The following NCKAP5 variants were observed in gnomAD, a reference collection of about 807,000 sequenced individuals.
NCKAP5 encodes the protein nck-associated protein 5.
In NCKAP5, 92 loss-of-function variants were observed where a neutral mutation model predicts 167.0. The ratio of observed to expected loss-of-function variants is 0.55; its 90% CI spans 0.47 to 0.66. The LOEUF (loss-of-function observed/expected upper bound fraction) is 0.66. Ranked by LOEUF, NCKAP5 falls within the 30% of genes least tolerant of loss-of-function variation. The pLI is 0.00. For synonymous variants in NCKAP5, 891 were observed against 877.4 expected, an observed-to-expected ratio of 1.02 and a Z score of -0.27; for missense variants, 2,378 against 2,315.0, an observed-to-expected ratio of 1.03 and a Z score of -0.56.
At chr2:133,629,821 C>A in the NCKAP5 span, among the ~76,000 whole-genome samples, 6 of 152,124 alleles carry the variant, frequency 3.9e-5, no homozygotes, top group African/African-American at 1.4e-4. Flanking sequence ...AGATCATGTC[C>A]TTTGCAGGGA....
At chr2:133,657,917 A>G in the NCKAP5 span, among the ~76,000 whole-genome samples, 697 of 152,328 alleles carry the variant, frequency 4.6e-3, 5 homozygotes, top group East Asian at 0.051. Flanking sequence ...GATGGTAAAC[A>G]AGGGAAAGAA....
intron 4 of NCKAP5, among the ~76,000 whole-genome samples, chr2:133,232,674 CA>C (rs2087207407): frequency 6.6e-6 from 1 of 152,048 alleles, no homozygotes; most frequent in Non-Finnish European, 1.5e-5. Context: ...ATAGTGCCCA[CA>C]AAAGATGGAT....
At chr2:132,895,235 G>A (rs1307368308) in intron 8 of NCKAP5, among the ~76,000 whole-genome samples, 3 of 151,870 alleles carry the variant, frequency 2.0e-5, no homozygotes, top group South Asian at 2.1e-4. Flanking sequence ...GGAGGCTGAG[G>A]CAGGAGAATA....
At chr2:132,790,249 A>T (rs753222914) in intron 12 of NCKAP5, 44 bp from the exon 13 acceptor site, 1 of 1,538,840 alleles carries the variant, frequency 6.5e-7, no homozygotes, top group African/African-American at 1.4e-5. Flanking sequence ...TGCTCAGAGG[A>T]GAGTAAATAT....
intron 8 of NCKAP5, among the ~76,000 whole-genome samples, chr2:132,923,823 G>T (rs1695632387): frequency 6.6e-6 from 1 of 152,150 alleles, no homozygotes; most frequent in Non-Finnish European, 1.5e-5. Flanking sequence ...AGAAAGGATT[G>T]TCGAGAAGTG....
chr2:132,892,946 G>A (rs1002330260), intron 8 of NCKAP5, among the ~76,000 whole-genome samples: 10 of 143,344 alleles, frequency 7.0e-5, no homozygotes, highest in African/African-American at 2.1e-4. Context: ...GAAAAAGACT[G>A]AGAATTTCTC....
At chr2:133,068,533 C>A (rs2080277026) in intron 6 of NCKAP5, among the ~76,000 whole-genome samples, 2 of 152,200 alleles carry the variant, frequency 1.3e-5, no homozygotes, top group Admixed American at 6.5e-5. Flanking sequence ...GAGCAAGGGG[C>A]TCCTTCTAGA....
chr2:133,260,992 A>G (rs78873758), intron 4 of NCKAP5, among the ~76,000 whole-genome samples: 7,568 of 152,304 alleles, frequency 0.05, 272 homozygotes, highest in South Asian at 0.099. Context: ...AATAAACCAG[A>G]AAAATTACTG....
chr2:133,193,179 G>A (rs1053628301), intron 5 of NCKAP5, among the ~76,000 whole-genome samples: 1 of 152,066 alleles, frequency 6.6e-6, no homozygotes, highest in Non-Finnish European at 1.5e-5. Flanking sequence ...TTCCATTTAT[G>A]TAACATTCTT....
intron 13 of NCKAP5, among the ~76,000 whole-genome samples, chr2:132,786,627 TTC>T (rs1163685131): frequency 6.6e-6 from 1 of 152,200 alleles, no homozygotes; most frequent in East Asian, 1.9e-4. Context: ...TCATATTTTT[TTC>T]ATAGTATTGC....
chr2:133,616,926 C>T, the NCKAP5 span, among the ~76,000 whole-genome samples: 1 of 152,208 alleles, frequency 6.6e-6, no homozygotes, highest in Non-Finnish European at 1.5e-5. Context: ...AAACCGAATT[C>T]AGCAGCACAT....
At chr2:133,535,883 G>A (rs1348731574) in intron 2 of NCKAP5, among the ~76,000 whole-genome samples, 1 of 152,142 alleles carries the variant, frequency 6.6e-6, no homozygotes, top group Non-Finnish European at 1.5e-5. Flanking sequence ...ACATTTCTCT[G>A]ATAATTAGAG....
chr2:133,310,167 TG>T (rs1348710290), intron 3 of NCKAP5, among the ~76,000 whole-genome samples: 3 of 152,214 alleles, frequency 2.0e-5, no homozygotes, highest in Non-Finnish European at 4.4e-5. Flanking sequence ...ATACCCACTT[TG>T]GGAACTATAC....
In NCKAP5 at chr2:132,794,301, GAGAGA is replaced by G. The variant is rs1404193956; in HGVS notation, c.909+2322_909+2326del. 1.6e-3 allele frequency among the ~76,000 whole-genome samples: 196 copies of G among 121,554 alleles called. 7 individuals carry two copies. The highest frequency in any genetic ancestry group is 2.5e-3 in the Non-Finnish European group (143 of 56,412). The allele number at this position is 121,554 out of a possible 152,430, so 79.7% of individuals were successfully genotyped here. A position where few individuals can be genotyped will look rare whatever the true frequency, so the allele number is the denominator to read the frequency against. ...AGAGAGAGAGAGAGAGAGAGAGAGAGAGAGAGGGTGGCGGGAAGAGAGAGAGAAAG... is the reference window on the plus strand; with the variant it reads ...AGAGAGAGAGAGAGAGAGAGAGAGAGGGGTGGCGGGAAGAGAGAGAGAAAG... On this transcript the variant is annotated intron_variant, in intron 12 of 19. Transcript: ENST00000409261.
intron 6 of NCKAP5, among the ~76,000 whole-genome samples, chr2:133,105,974 C>T (rs577496724): frequency 8.5e-5 from 13 of 152,056 alleles, no homozygotes; most frequent in Admixed American, 3.9e-4. Context: ...CTCTTCTCAC[C>T]GACCCATCCT....
At chr2:132,794,301 GAGA>G (rs1239566024) in intron 12 of NCKAP5, among the ~76,000 whole-genome samples, 2 of 121,652 alleles carry the variant, frequency 1.6e-5, no homozygotes, top group African/African-American at 6.1e-5. Flanking sequence ...GAGAGAGAGA[GAGA>G]GAGGGTGGCG....
chr2:133,022,740 T>G (rs2078569281), intron 6 of NCKAP5, among the ~76,000 whole-genome samples: 1 of 152,228 alleles, frequency 6.6e-6, no homozygotes, highest in South Asian at 2.1e-4. Flanking sequence ...ATATTCACTT[T>G]TCCTTCCTTT....
the NCKAP5 span, among the ~76,000 whole-genome samples, chr2:133,587,499 G>A: frequency 3.9e-5 from 6 of 152,252 alleles, no homozygotes; most frequent in Non-Finnish European, 7.3e-5. Context: ...AAGCATTGAT[G>A]CAGATGACAG....
At chr2:133,671,996 A>T in the NCKAP5 span, among the ~76,000 whole-genome samples, 20 of 152,234 alleles carry the variant, frequency 1.3e-4, no homozygotes, top group Admixed American at 1.1e-3. Flanking sequence ...AGAAACAAAT[A>T]AGAAGGAGAT....
Sources: gnomAD v4.1 joint callset for allele counts (sites outside exome capture counted in the v4.1 genomes callset) on GRCh38, gnomAD v4.1.1 for gene constraint, MANE v1.5 for transcripts, NCBI Gene and HGNC (gene_info 2026-07-23, HGNC 2026-07-21) for gene names.